DLX3: variants seen among roughly 807,000 people sequenced by gnomAD.
DLX3 encodes distal-less homeobox 3.
In DLX3, 9 loss-of-function variants were observed where a neutral mutation model predicts 28.0. The ratio of observed to expected loss-of-function variants is 0.32; its 90% confidence interval spans 0.19 to 0.56. The LOEUF is 0.56. Among genes scored for constraint, DLX3 ranks in the 20% least tolerant of loss-of-function variants. The pLI, the probability that DLX3 is intolerant of heterozygous loss-of-function variation, is 0.91. For missense variants in DLX3, 313 were observed against 378.2 expected (o/e 0.83, Z 1.43); for synonymous variants, 154 against 167.9 (o/e 0.92, Z 0.64).
At position 49,993,513 on chromosome 17, in the gene DLX3, T is replaced by C; in HGVS notation, c.403A>G (p.Ile135Val). 6.2e-7 allele frequency: 1 copy of C among 1,613,644 alleles called. No homozygotes were observed. Among genetic ancestry groups the C allele is most frequent in the Non-Finnish European group, 8.5e-7 (1 of 1,179,726 alleles). The part of the protein sequence containing the change: ...KPKKVRKPRT[I>V]YSSYQLAALQ... ...GCGGCCAGCTGGTAGCTGGAGTAGA[T>C]CGTACGCGGCTTTCGGACCTTCTTG... Residue 135 changes from isoleucine (I) to valine (V), a missense_variant, in exon 2 of 3, where the codon ATC becomes GTC. Transcript: ENST00000434704.
Position 49,991,334 on chromosome 17 carries a change from G to T in DLX3, c.*183C>A. The T allele has an allele frequency of 1.6e-6, 1 of 608,380 alleles. No individual in the cohort carries two copies. The highest frequency in any genetic ancestry group is 2.9e-6 in the Non-Finnish European group (1 of 350,490). The allele number at this position is 608,380 out of a possible 1,614,324, so 37.7% of individuals were successfully genotyped here. On this transcript the variant is annotated 3_prime_UTR_variant, in exon 3 of 3. Transcript: ENST00000434704. ...TCTAGGCAGAGGGAGGGAGGTTCAG[G>T]GGGCATCCTTGGTCCATGCAATTGT...
chr17:49,994,957 G>C lies in DLX3; in HGVS notation c.42C>G (p.Thr14=). 1 of 1,613,410 alleles carries C rather than the reference G, an allele frequency of 6.2e-7. No individual in the cohort carries two copies. The highest frequency in any genetic ancestry group is 1.1e-5 in the South Asian group (1 of 91,068). Residue 14 remains threonine, a synonymous_variant, in exon 1 of 3, where the codon ACC becomes ACG. Transcript: ENST00000434704. ...GGCAGCTAAGGGAGCTGGAGATGTCGGTGAGGATGCTGCTGAGCTTGCGAT... is the reference window on the plus strand; with the variant it reads ...GGCAGCTAAGGGAGCTGGAGATGTCCGTGAGGATGCTGCTGAGCTTGCGAT... ...SFDRKLSSIL[T]DISSSLSCHA...
Position 49,995,080 on chromosome 17 carries a change from G to A in DLX3, c.-82C>T. 1 of 1,517,176 alleles carries A rather than the reference G, an allele frequency of 6.6e-7. No individual in the cohort carries two copies. Among genetic ancestry groups the A allele is most frequent in the Non-Finnish European group, 8.9e-7 (1 of 1,123,968 alleles). 94.0% of individuals were successfully genotyped at this position (1,517,176 alleles called of 1,614,324 possible). On this transcript the variant is annotated 5_prime_UTR_variant, in exon 1 of 3. Coordinates refer to ENST00000434704, the MANE Select transcript of DLX3 (RefSeq NM_005220.3). Reference sequence around the variant, plus strand: ...GGAGTGCGAGAGAGGCGGAAGAGACGAGGCAGGGGTGTGTGTCCAGAAGGC... The same window carrying A: ...GGAGTGCGAGAGAGGCGGAAGAGACAAGGCAGGGGTGTGTGTCCAGAAGGC...
chr17:49,994,726 G>A lies in DLX3; in HGVS notation c.273C>T (p.Ser91=). The A allele has an allele frequency of 6.2e-7, 1 of 1,614,194 alleles. No individual in the cohort carries two copies. The highest frequency in any genetic ancestry group is 8.5e-7 in the Non-Finnish European group (1 of 1,180,038). ...CCCGATACGCCCCGTATTGCCGGTA[G>A]GAGGCTCCGTAGGTATATTCCGACT... ...SPKSEYTYGA[S]YRQYGAYREQ... Residue 91 remains serine (S), a synonymous_variant, in exon 1 of 3, where the codon TCC becomes TCT. Coordinates refer to ENST00000434704, the MANE Select transcript of DLX3 (RefSeq NM_005220.3).
chr17:49,993,666 G>A, intron 1 of DLX3, 76 bp from the exon 2 acceptor site: 2 of 1,515,652 alleles, frequency 1.3e-6, no homozygotes, highest in South Asian at 1.2e-5. Flanking sequence ...CCAGGGCCCC[G>A]CCGGACGCCC....
Position 49,991,368 on chromosome 17 carries a change from A to C in DLX3, c.*149T>G. 1.4e-6 allele frequency: 1 copy of C among 702,506 alleles called. No homozygotes were observed. Among genetic ancestry groups the C allele is most frequent in the Non-Finnish European group, 2.3e-6 (1 of 430,086 alleles). The allele number at this position is 702,506 out of a possible 1,614,324, so 43.5% of individuals were successfully genotyped here. ...TTGGTCCATGCAATTGTCATCTGGA[A>C]GCGCTTGGGTCCCTGGAGGAAGGGG... On this transcript the variant is annotated 3_prime_UTR_variant, in exon 3 of 3. Coordinates refer to ENST00000434704, the MANE Select transcript of DLX3 (RefSeq NM_005220.3).
At chr17:49,992,454 C>G (rs141927362) in intron 2 of DLX3, among the ~76,000 whole-genome samples, 1 of 152,232 alleles carries the variant, frequency 6.6e-6, no homozygotes, top group East Asian at 1.9e-4. Context: ...GATAAGCACC[C>G]CACAACATGA....
intron 1 of DLX3, among the ~76,000 whole-genome samples, chr17:49,994,326 A>T (rs1396027894): frequency 6.7e-6 from 1 of 148,630 alleles, no homozygotes; most frequent in Admixed American, 6.7e-5. Context: ...CCTGCCGCCT[A>T]CCCCCAAGCC....
chr17:49,992,695 C>T (rs1906134241), intron 2 of DLX3, among the ~76,000 whole-genome samples: 2 of 152,306 alleles, frequency 1.3e-5, no homozygotes, highest in South Asian at 4.2e-4. Context: ...GCCACAGCCA[C>T]AACCTAGGCC....
intron 1 of DLX3, among the ~76,000 whole-genome samples, chr17:49,994,241 T>A (rs1429237980): frequency 6.6e-6 from 1 of 151,664 alleles, no homozygotes; most frequent in Non-Finnish European, 1.5e-5. Context: ...CTTCCGTGGG[T>A]CCTTCTCATT....
Position 49,994,700 on chromosome 17 carries a change from T to C in DLX3, c.299A>G (p.Glu100Gly), listed in dbSNP as rs1477606750. ...TGGGTCCTGGGCTGGCAGCGGCTGC[T>C]CCCGATACGCCCCGTATTGCCGGTA... ...ASYRQYGAYR[E>G]QPLPAQDPVS... The change falls in exon 1 of 3, where the codon GAG becomes GGG. Residue 100 changes from glutamate to glycine, a missense_variant. Glu to Gly is a moderately conservative substitution (Grantham distance 98). Transcript: ENST00000434704. 1 of 1,613,888 alleles carries C rather than the reference T, an allele frequency of 6.2e-7. No individual in the cohort carries two copies. Among genetic ancestry groups the C allele is most frequent in the Non-Finnish European group, 8.5e-7 (1 of 1,180,044 alleles).
In DLX3 at chr17:49,994,755, G is replaced by A; in HGVS notation, c.244C>T (p.Pro82Ser). ...NGLAGTGAYSPKSEYTYGASY... is the reference protein window; with the variant it reads ...NGLAGTGAYSSKSEYTYGASY... ...GCTCCGTAGGTATATTCCGACTTGG[G>A]CGAGTAAGCGCCCGTGCCTGCAAGC... is the stretch of plus-strand genomic sequence containing the variant. Residue 82 changes from proline to serine, a missense_variant, in exon 1 of 3, where the codon CCC becomes TCC. Physicochemically the swap from Pro to Ser is moderately conservative, Grantham distance 74. Coordinates refer to ENST00000434704, the MANE Select transcript of DLX3 (RefSeq NM_005220.3). 6.2e-7 allele frequency: 1 copy of A among 1,614,224 alleles called. No homozygotes were observed. The highest frequency in any genetic ancestry group is 2.2e-5 in the East Asian group (1 of 44,872).
At position 49,993,573 on chromosome 17, in the gene DLX3, G is replaced by C. The variant is rs1470088693; in HGVS notation, c.343C>G (p.Pro115Ala). The change falls in exon 2 of 3, where the codon CCG becomes GCG. Residue 115 changes from proline to alanine, a missense_variant. By Grantham distance (27) the Pro-to-Ala change is conservative (BLOSUM62 -1). Coordinates refer to ENST00000434704, the MANE Select transcript of DLX3 (RefSeq NM_005220.3). ...AQDPVSVKEE[P>A]EAEVRMVNGK... ...TTCACCATGCGCACCTCTGCTTCCG[G>C]CTCCTCCTTCACCGACACTGCGGGG... 7 of 1,613,550 alleles carry C rather than the reference G, an allele frequency of 4.3e-6. No homozygotes were observed. The highest frequency in any genetic ancestry group is 5.9e-6 in the Non-Finnish European group (7 of 1,179,688).
rs573700184 is a variant in DLX3, at chr17:49,991,140, C to G, written c.*377G>C. 3.8e-5 allele frequency: 8 copies of G among 212,588 alleles called. No homozygotes were observed. In the South Asian group the frequency reaches 8.1e-4, roughly 22 times the overall value. 13.2% of individuals were successfully genotyped at this position (212,588 alleles called of 1,614,324 possible). On this transcript the variant is annotated 3_prime_UTR_variant, in exon 3 of 3. Transcript: ENST00000434704. The stretch of plus-strand genomic sequence containing the variant: ...CCAGCACAGGCAGGACCCGCAAACC[C>G]TCCACACTCTCCCCCATCCCAAGGT...
chr17:49,993,745 G>A (rs1471352478), intron 1 of DLX3, 155 bp from the exon 2 acceptor site: 2 of 763,240 alleles, frequency 2.6e-6, no homozygotes, highest in East Asian at 3.5e-5. Context: ...GCCCAGGGGG[G>A]AGCCGCGGCC....
rs565346852 is a variant in DLX3, at chr17:49,993,650, G to C, written c.326-60C>G. ...TTCAGCCTCGGCCTGCGACTCCTGCGACCCTCCAGGGCCCCGCCGGACGCC... is the reference window on the plus strand; with the variant it reads ...TTCAGCCTCGGCCTGCGACTCCTGCCACCCTCCAGGGCCCCGCCGGACGCC... On this transcript the variant is annotated intron_variant, in intron 1 of 2. Coordinates refer to ENST00000434704, the MANE Select transcript of DLX3 (RefSeq NM_005220.3). 6.4e-5 allele frequency: 101 copies of C among 1,573,254 alleles called. 2 individuals are homozygous for C. In the South Asian group the frequency reaches 1.1e-3, roughly 17 times the overall value.
At chr17:49,993,037 C>A (rs1036541749) in intron 2 of DLX3, among the ~76,000 whole-genome samples, 3 of 152,148 alleles carry the variant, frequency 2.0e-5, no homozygotes, top group African/African-American at 7.2e-5. Flanking sequence ...GCATGCAGAC[C>A]CACACAGCAT....
intron 1 of DLX3, among the ~76,000 whole-genome samples, chr17:49,994,159 C>T (rs2144186391): frequency 6.7e-6 from 1 of 149,880 alleles, no homozygotes; most frequent in Admixed American, 6.7e-5. Context: ...ATACTTCCCT[C>T]TTGCTGCCTT....
Position 49,991,376 on chromosome 17 carries a change from G to T in DLX3, c.*141C>A. ...TGCAATTGTCATCTGGAAGCGCTTG[G>T]GTCCCTGGAGGAAGGGGCAAGGGAG... On this transcript the variant is annotated 3_prime_UTR_variant, in exon 3 of 3. Transcript: ENST00000434704. 1 of 755,026 alleles carries T rather than the reference G, an allele frequency of 1.3e-6. No individual in the cohort carries two copies. Among genetic ancestry groups the T allele is most frequent in the Non-Finnish European group, 2.1e-6 (1 of 476,910 alleles). 46.8% of individuals were successfully genotyped at this position (755,026 alleles called of 1,614,324 possible). A position where few individuals can be genotyped will look rare whatever the true frequency, so the allele number is the denominator to read the frequency against.
Sources: gnomAD v4.1 joint callset for allele counts (sites outside exome capture counted in the v4.1 genomes callset) on GRCh38, gnomAD v4.1.1 for gene constraint, MANE v1.5 for transcripts, NCBI Gene and HGNC (gene_info 2026-07-23, HGNC 2026-07-21) for gene names.